ZC2HC1B: variants seen among roughly 807,000 people sequenced by gnomAD.
ZC2HC1B encodes the protein zinc finger C2HC-type containing 1B, also known as zinc finger C2HC domain-containing protein 1B.
In ZC2HC1B, 36 loss-of-function variants were observed where a neutral mutation model predicts 31.0. The ratio of observed to expected loss-of-function variants is 1.16; its 90% CI spans 0.89 to 1.54. The LOEUF (loss-of-function observed/expected upper bound fraction) is 1.54, where lower values mean the gene tolerates loss of function less well. Ranked by LOEUF, ZC2HC1B falls within the 40% of genes most tolerant of loss-of-function variation. The pLI is 0.00. For synonymous variants in ZC2HC1B, 73 were observed against 88.0 expected, an observed-to-expected ratio of 0.83 and a Z score of 0.95; for missense variants, 260 against 268.6, an observed-to-expected ratio of 0.97 and a Z score of 0.22.
intron 1 of ZC2HC1B, among the ~76,000 whole-genome samples, chr6:143,882,152 T>C (rs117984739): frequency 3.1e-3 from 466 of 151,662 alleles, no homozygotes; most frequent in Middle Eastern, 0.01. Context: ...TCTTATAGGG[T>C]CACTGTAAGG....
chr6:143,916,415 G>A (rs890329240), intron 6 of ZC2HC1B, among the ~76,000 whole-genome samples: 1 of 152,178 alleles, frequency 6.6e-6, no homozygotes, highest in African/African-American at 2.4e-5. Flanking sequence ...TGGGGTCAGA[G>A]CCCCCACACA....
chr6:143,874,956 C>G (rs1407504906), intron 1 of ZC2HC1B, among the ~76,000 whole-genome samples: 1 of 152,136 alleles, frequency 6.6e-6, no homozygotes, highest in African/African-American at 2.4e-5. Flanking sequence ...CCTCAGCCCC[C>G]CGGGTATGTG....
chr6:143,927,632 A>G (rs147263959), intron 6 of ZC2HC1B, among the ~76,000 whole-genome samples: 20 of 152,280 alleles, frequency 1.3e-4, no homozygotes, highest in African/African-American at 4.8e-4. Flanking sequence ...TGATAAAATG[A>G]TTCTTTTCCT....
At position 143,938,264 on chromosome 6, in the gene ZC2HC1B, A is replaced by C. The variant is rs897347083; in HGVS notation, c.*137A>C. 1 of 152,270 alleles carries C rather than the reference A, an allele frequency of 6.6e-6. No homozygotes were observed. Among genetic ancestry groups the C allele is most frequent in the Non-Finnish European group, 1.5e-5 (1 of 68,072 alleles). The allele number at this position is 152,270 out of a possible 1,614,324, so 9.4% of individuals were successfully genotyped here. A position where few individuals can be genotyped will look rare whatever the true frequency, so the allele number is the denominator to read the frequency against. Reference sequence around the variant, plus strand: ...TGATTCTTCTTGAAGCATCACTTAGAACAAGTAAAACTTGCTTCAGATTTT... The same window carrying C: ...TGATTCTTCTTGAAGCATCACTTAGCACAAGTAAAACTTGCTTCAGATTTT... On this transcript the variant is annotated 3_prime_UTR_variant, in exon 8 of 8. Transcript: ENST00000237275. This position sits in a 1 kb window ranked among gnomAD's most constrained non-coding sequence, Gnocchi z 4.2.
intron 1 of ZC2HC1B, chr6:143,881,840 T>C (rs1365555557): frequency 6.6e-6 from 1 of 152,164 alleles, no homozygotes; most frequent in Non-Finnish European, 1.5e-5. Flanking sequence ...GTTCAGAAGG[T>C]GGTGGTCCAT....
At chr6:143,916,384 G>T (rs1465725067) in intron 6 of ZC2HC1B, among the ~76,000 whole-genome samples, 1 of 152,216 alleles carries the variant, frequency 6.6e-6, no homozygotes, top group Non-Finnish European at 1.5e-5. Flanking sequence ...ACCTCTGCTA[G>T]GGCAGTGTGG....
At chr6:143,906,010 T>C (rs545069798) in intron 6 of ZC2HC1B, among the ~76,000 whole-genome samples, 17 of 152,354 alleles carry the variant, frequency 1.1e-4, no homozygotes, top group African/African-American at 4.1e-4. Context: ...AGTTTTCTTA[T>C]AGCATCTTTG....
chr6:143,923,586 T>C lies in ZC2HC1B; in HGVS notation c.599-14063T>C, dbSNP rs1778004806. 6.6e-6 allele frequency among the ~76,000 whole-genome samples: 1 copy of C among 152,168 alleles called. No homozygotes were observed. Among genetic ancestry groups the C allele is most frequent in the Non-Finnish European group, 1.5e-5 (1 of 68,008 alleles). ...TCTAGTAGTTTCATAGTTTTGGGTCTTATGTTTAAGTCTTTCATCAATTTT... is the reference window on the plus strand; with the variant it reads ...TCTAGTAGTTTCATAGTTTTGGGTCCTATGTTTAAGTCTTTCATCAATTTT... On this transcript the variant is annotated intron_variant, in intron 6 of 7. Transcript: ENST00000237275. The surrounding 1 kb of genome is among the most constrained non-coding windows in gnomAD (Gnocchi z 4.8).
intron 6 of ZC2HC1B, among the ~76,000 whole-genome samples, chr6:143,916,360 G>A (rs998682618): frequency 6.6e-6 from 1 of 152,192 alleles, no homozygotes; most frequent in African/African-American, 2.4e-5. Context: ...GCAGGGGTGG[G>A]GCCCTCATGG....
Position 143,910,414 on chromosome 6 carries a change from T to A in ZC2HC1B, c.598+7262T>A, listed in dbSNP as rs1480034748. Among the ~76,000 whole-genome samples the A allele has an allele frequency of 6.6e-5, 10 of 152,334 alleles. No homozygotes were observed. The East Asian group carries it at 1.9e-3, about 29-fold the overall frequency. On this transcript the variant is annotated intron_variant, in intron 6 of 7. Coordinates refer to ENST00000237275, the MANE Select transcript of ZC2HC1B (RefSeq NM_001013623.3). Reference sequence around the variant, plus strand: ...TGATCAATTTTAGAGTTAAGTGCCATGTGGCAATGAGAAGAATGTATATTC... The same window carrying A: ...TGATCAATTTTAGAGTTAAGTGCCAAGTGGCAATGAGAAGAATGTATATTC...
At position 143,909,666 on chromosome 6, in the gene ZC2HC1B, A is replaced by G. The variant is rs530513213; in HGVS notation, c.598+6514A>G. 1.5e-4 allele frequency among the ~76,000 whole-genome samples: 23 copies of G among 150,060 alleles called. No individual in the cohort carries two copies. In the South Asian group the frequency reaches 4.6e-3, roughly 30 times the overall value. ...GATGTATGTGTCCAGGAATTTATCC[A>G]TTTCTTCTAGAATTTCTAGTGTATG... On this transcript the variant is annotated intron_variant, in intron 6 of 7. Transcript: ENST00000237275.
rs915004149 is a variant in ZC2HC1B, at chr6:143,933,622, A to G, written c.599-4027A>G. ...GGGAAGTGGGCGAAAGCTGGTAGCA[A>G]CAGGCCTCACCCAGCTCCCACACAG... On this transcript the variant is annotated intron_variant, in intron 6 of 7. Transcript: ENST00000237275. This position sits in a 1 kb window ranked among gnomAD's most constrained non-coding sequence, Gnocchi z 6.4. Among the ~76,000 whole-genome samples the G allele has an allele frequency of 6.6e-6, 1 of 152,110 alleles. No homozygotes were observed. Among genetic ancestry groups the G allele is most frequent in the African/African-American group, 2.4e-5 (1 of 41,410 alleles).
rs1473082515 is a variant in ZC2HC1B at position 143,899,336 on chromosome 6, A to T, written c.489+645A>T. On this transcript the variant is annotated intron_variant, in intron 5 of 7. Transcript: ENST00000237275. The surrounding 1 kb of genome is among the most constrained non-coding windows in gnomAD (Gnocchi z 5.0). ...TATTAGTTTCATAGACGTGGCTTAGATGCCATGAAAAGTTGGTCTGGATAC... is the reference window on the plus strand; with the variant it reads ...TATTAGTTTCATAGACGTGGCTTAGTTGCCATGAAAAGTTGGTCTGGATAC... Among the ~76,000 whole-genome samples the T allele has an allele frequency of 6.6e-6, 1 of 152,214 alleles. No homozygotes were observed. The highest frequency in any genetic ancestry group is 6.5e-5 in the Admixed American group (1 of 15,286).
chr6:143,911,971 T>G lies in ZC2HC1B; in HGVS notation c.598+8819T>G, dbSNP rs1193240798. On this transcript the variant is annotated intron_variant, in intron 6 of 7. Transcript: ENST00000237275. This position sits in a 1 kb window ranked among gnomAD's most constrained non-coding sequence, Gnocchi z 4.5. ...CAGAGGTTTTGTTCTTTTTTTTCAT[T>G]CTTTTTTCTCTATTTTTGTCAGCCT... Among the ~76,000 whole-genome samples, 1 of 152,152 alleles carries G rather than the reference T, an allele frequency of 6.6e-6. No individual in the cohort carries two copies. The highest frequency in any genetic ancestry group is 1.9e-4 in the East Asian group (1 of 5,204).
rs1227337026 is a variant in ZC2HC1B at position 143,933,288 on chromosome 6, G to A, written c.599-4361G>A. ...GGTTAACCTTGAGCCAGGAGGTGGT[G>A]CTTTTGAGAGTGCGCCAGCCAGCTG... On this transcript the variant is annotated intron_variant, in intron 6 of 7. Coordinates refer to ENST00000237275, the MANE Select transcript of ZC2HC1B (RefSeq NM_001013623.3). The surrounding 1 kb of genome is among the most constrained non-coding windows in gnomAD (Gnocchi z 6.4). 1.3e-5 allele frequency among the ~76,000 whole-genome samples: 2 copies of A among 152,160 alleles called. No homozygotes were observed. The highest frequency in any genetic ancestry group is 2.4e-5 in the African/African-American group (1 of 41,424).
intron 1 of ZC2HC1B, among the ~76,000 whole-genome samples, chr6:143,879,133 T>C (rs1350124485): frequency 6.6e-6 from 1 of 152,200 alleles, no homozygotes; most frequent in Non-Finnish European, 1.5e-5. Context: ...GTTTTAGAGG[T>C]ACATGCTGTC....
chr6:143,937,831 A>C, intron 7 of ZC2HC1B, 98 bp downstream of exon 7: 1 of 844,288 alleles, frequency 1.2e-6, no homozygotes. Context: ...AGACATCTGG[A>C]CAAACTCCAA....
intron 1 of ZC2HC1B, among the ~76,000 whole-genome samples, chr6:143,882,162 G>C (rs186535469): frequency 6.6e-6 from 1 of 151,378 alleles, no homozygotes; most frequent in Non-Finnish European, 1.5e-5. Context: ...TCACTGTAAG[G>C]ATCACATGAG....
rs909626937 is a variant in ZC2HC1B at position 143,883,629 on chromosome 6, T to A, written c.29-675T>A. On this transcript the variant is annotated intron_variant, in intron 1 of 7. Coordinates refer to ENST00000237275, the MANE Select transcript of ZC2HC1B (RefSeq NM_001013623.3). The surrounding 1 kb of genome is among the most constrained non-coding windows in gnomAD (Gnocchi z 4.1). ...CTCCTGATGAACCAAAAGGAAGTAA[T>A]ACAAAAAACCTTTTTTCAGAATTTC... 1.3e-5 allele frequency among the ~76,000 whole-genome samples: 2 copies of A among 152,206 alleles called. No homozygotes were observed. Among genetic ancestry groups the A allele is most frequent in the Non-Finnish European group, 2.9e-5 (2 of 68,044 alleles).
Sources: allele counts gnomAD v4.1 joint callset (sites outside exome capture counted in the v4.1 genomes callset), GRCh38; gene constraint gnomAD v4.1.1; non-coding constraint Gnocchi (gnomAD v3.1); transcripts MANE v1.5; gene names NCBI Gene and HGNC (gene_info 2026-07-23, HGNC 2026-07-21).